NFAM1: variants seen among roughly 807,000 people sequenced by gnomAD.
NFAM1 encodes the protein NFAT activation molecule 1.
A neutral mutation model predicts 29.0 loss-of-function variants in NFAM1; 17 were observed. That is an observed-to-expected ratio of 0.59 (90% CI 0.40 to 0.88). NFAM1 has a LOEUF of 0.88. Ranked by LOEUF, NFAM1 falls within the 40% of genes least tolerant of loss-of-function variation. NFAM1 has a pLI of 0.00. For synonymous variants in NFAM1, 175 were observed against 147.2 expected (o/e 1.19, Z -1.36); for missense variants, 324 against 344.6 (o/e 0.94, Z 0.47).
chr22:42,421,946 A>C (rs1194920946), intron 1 of NFAM1, among the ~76,000 whole-genome samples: 1 of 152,238 alleles, frequency 6.6e-6, no homozygotes, highest in Non-Finnish European at 1.5e-5. Context: ...AGCGGGCAGG[A>C]CACAGGCATC....
At chr22:42,391,253 G>C (rs1474916567) in intron 4 of NFAM1, among the ~76,000 whole-genome samples, 5 of 151,942 alleles carry the variant, frequency 3.3e-5, no homozygotes, top group Non-Finnish European at 5.9e-5. Flanking sequence ...ACCCCATCTT[G>C]GTGTCTCTGT....
intron 3 of NFAM1, among the ~76,000 whole-genome samples, chr22:42,404,480 G>A (rs917234220): frequency 6.6e-5 from 10 of 152,062 alleles, no homozygotes; most frequent in African/African-American, 1.7e-4. Context: ...CAATGCAAAC[G>A]CAGCAGCTGC....
At position 42,409,234 on chromosome 22, in the gene NFAM1, A is replaced by G. The variant is rs1929998749; in HGVS notation, c.564+201T>C. Among the ~76,000 whole-genome samples the G allele has an allele frequency of 6.6e-6, 1 of 152,188 alleles. No homozygotes were observed. Among genetic ancestry groups the G allele is most frequent in the Admixed American group, 6.5e-5 (1 of 15,290 alleles). ...CAGAGCCCTGGTTTCTTGCAACAAG[A>G]TCAAAAGGCACCCCATGGCAGCACA... On this transcript the variant is annotated intron_variant, in intron 3 of 5. Coordinates refer to ENST00000329021, the MANE Select transcript of NFAM1 (RefSeq NM_145912.8). This position sits in a 1 kb window ranked among gnomAD's most constrained non-coding sequence, Gnocchi z 4.9.
At position 42,398,382 on chromosome 22, in the gene NFAM1, T is replaced by TTTTTTA. The variant is rs568828000; in HGVS notation, c.565-427_565-426insTAAAAA. ...AGTTCCCCTCTGGGCCTTGGTTTTA[T>TTTTTTA]TTATTATTATTATTATTATTATTAT... On this transcript the variant is annotated intron_variant, in intron 3 of 5. Transcript: ENST00000329021. Among the ~76,000 whole-genome samples the TTTTTTA allele has an allele frequency of 1.0e-3, 128 of 125,428 alleles. 1 individual carries two copies. The highest frequency in any genetic ancestry group is 2.2e-3 in the African/African-American group (78 of 35,040). 82.3% of individuals were successfully genotyped at this position (125,428 alleles called of 152,430 possible).
chr22:42,406,484 C>A (rs1032192865), intron 3 of NFAM1, among the ~76,000 whole-genome samples: 16 of 152,222 alleles, frequency 1.1e-4, no homozygotes, highest in African/African-American at 3.6e-4. Flanking sequence ...TCTGTGAGCT[C>A]AGGCTACACC....
chr22:42,432,499 A>AG, upstream of NFAM1: 1 of 1,245,010 alleles, frequency 8.0e-7, no homozygotes. Flanking sequence ...GGAACAGCCC[A>AG]GCAGGGTGGC....
chr22:42,407,379 G>A (rs1222553001), intron 3 of NFAM1, among the ~76,000 whole-genome samples: 1 of 151,660 alleles, frequency 6.6e-6, no homozygotes, highest in Admixed American at 6.6e-5. Flanking sequence ...ACCGCACCCA[G>A]CCTTTTATTT....
intron 1 of NFAM1, among the ~76,000 whole-genome samples, chr22:42,428,070 C>T (rs952459262): frequency 1.3e-5 from 2 of 152,216 alleles, no homozygotes; most frequent in Non-Finnish European, 2.9e-5. Flanking sequence ...TGAGACAGGA[C>T]CCGCTGGGAG....
upstream of NFAM1, among the ~76,000 whole-genome samples, chr22:42,435,732 G>A (rs1930922469): frequency 6.6e-6 from 1 of 151,754 alleles, no homozygotes; most frequent in Non-Finnish European, 1.5e-5. Context: ...ATAAGTCATG[G>A]TTTTGCCCTC....
At chr22:42,389,774 T>C (rs1385842962) in intron 4 of NFAM1, among the ~76,000 whole-genome samples, 2 of 152,068 alleles carry the variant, frequency 1.3e-5, no homozygotes, top group East Asian at 3.9e-4. Context: ...CAGTGGGCAA[T>C]GGTGCTGACC....
intron 1 of NFAM1, among the ~76,000 whole-genome samples, chr22:42,426,012 A>G (rs371297749): frequency 1.3e-5 from 2 of 152,284 alleles, no homozygotes; most frequent in East Asian, 3.9e-4. Context: ...TTTGGATGTC[A>G]CCAGGTGGGC....
Position 42,411,429 on chromosome 22 carries a change from G to C in NFAM1, c.429C>G (p.Ser143Arg), listed in dbSNP as rs772432858. 6.2e-7 allele frequency: 1 copy of C among 1,613,496 alleles called. No homozygotes were observed. Among genetic ancestry groups the C allele is most frequent in the East Asian group, 2.2e-5 (1 of 44,868 alleles). ...TACCTCTGACCAGGATGAAGGTGCC[G>C]CTGCCTCTCACCGTGGAGTGTGGCC... Reference protein sequence around the residue: ...VHWPHSTVRGSGTFILVRDAG... With the variant: ...VHWPHSTVRGRGTFILVRDAG... The change falls in exon 2 of 6, where the codon AGC becomes AGG. Residue 143 changes from serine (S) to arginine (R), a missense_variant. By Grantham distance (110) the Ser-to-Arg change is moderately radical (BLOSUM62 -1). Coordinates refer to ENST00000329021, the MANE Select transcript of NFAM1 (RefSeq NM_145912.8).
In NFAM1 at chr22:42,400,305, G is replaced by T. The variant is rs537377207; in HGVS notation, c.565-2349C>A. Among the ~76,000 whole-genome samples, 19 of 152,298 alleles carry T rather than the reference G, an allele frequency of 1.2e-4. No individual in the cohort carries two copies. In the East Asian group the frequency reaches 3.3e-3, roughly 26 times the overall value. ...AATTCTCATAACAGCCAGAGGAGGTGGGCATGGAATTGCCCGTTTAACAGA... is the reference window on the plus strand; with the variant it reads ...AATTCTCATAACAGCCAGAGGAGGTTGGCATGGAATTGCCCGTTTAACAGA... On this transcript the variant is annotated intron_variant, in intron 3 of 5. Coordinates refer to ENST00000329021, the MANE Select transcript of NFAM1 (RefSeq NM_145912.8).
At chr22:42,410,628 C>T (rs1930050590) in intron 2 of NFAM1, 2 of 180,910 alleles carry the variant, frequency 1.1e-5, no homozygotes, top group Non-Finnish European at 2.4e-5. Context: ...CAGTGCACTT[C>T]AGCCTGGGTG....
intron 3 of NFAM1, among the ~76,000 whole-genome samples, chr22:42,398,620 G>C (rs1289406397): frequency 1.3e-5 from 2 of 152,002 alleles, no homozygotes; most frequent in African/African-American, 4.8e-5. Flanking sequence ...CACCATGTTG[G>C]ACAGGCTGGT....
At chr22:42,385,706 G>T (rs1434711758) in intron 5 of NFAM1, among the ~76,000 whole-genome samples, 3 of 151,616 alleles carry the variant, frequency 2.0e-5, no homozygotes, top group East Asian at 3.9e-4. Flanking sequence ...ATGGCTCCCA[G>T]AGGGTAGGGA....
intron 1 of NFAM1, among the ~76,000 whole-genome samples, chr22:42,414,834 G>A (rs1930204603): frequency 6.6e-6 from 1 of 152,098 alleles, no homozygotes; most frequent in African/African-American, 2.4e-5. Flanking sequence ...GTCCTGGGCA[G>A]GAAGACTTCA....
chr22:42,421,393 C>T (rs963576618), intron 1 of NFAM1, among the ~76,000 whole-genome samples: 4 of 146,868 alleles, frequency 2.7e-5, no homozygotes, highest in South Asian at 2.1e-4. Flanking sequence ...TGCGGTGAGC[C>T]GAGATCGCAT....
upstream of NFAM1, among the ~76,000 whole-genome samples, chr22:42,434,807 G>A (rs972382827): frequency 1.3e-5 from 2 of 152,214 alleles, no homozygotes; most frequent in Admixed American, 1.3e-4. Flanking sequence ...TTCGAGCTAG[G>A]CCTTGGCAGC....
Sources: gnomAD v4.1 joint callset for allele counts (sites outside exome capture counted in the v4.1 genomes callset) on GRCh38, gnomAD v4.1.1 for gene constraint, Gnocchi (gnomAD v3.1) non-coding constraint, MANE v1.5 for transcripts, NCBI Gene and HGNC (gene_info 2026-07-23, HGNC 2026-07-21) for gene names.